The following NVL variants were observed in gnomAD, a reference collection of about 807,000 sequenced individuals.
NVL encodes the protein nuclear valosin-containing protein-like.
In NVL, 84 loss-of-function variants were observed where a neutral mutation model predicts 110.2. That is an observed-to-expected ratio of 0.76 (90% confidence interval 0.64 to 0.91). The LOEUF is 0.91. Ranked by LOEUF, NVL falls within the 40% of genes least tolerant of loss-of-function variation. The pLI is 0.00. For synonymous variants in NVL, 354 were observed against 361.1 expected, an observed-to-expected ratio of 0.98 and a Z score of 0.22; for missense variants, 882 against 1,035.9, an observed-to-expected ratio of 0.85 and a Z score of 2.04.
intron 18 of NVL, among the ~76,000 whole-genome samples, chr1:224,261,416 T>A (rs922814546): frequency 2.0e-5 from 3 of 152,164 alleles, no homozygotes; most frequent in Non-Finnish European, 4.4e-5. Context: ...AATAAGATAT[T>A]TGGGTTTCAT....
At chr1:224,296,724 T>G in intron 10 of NVL, 106 bp from the exon 11 acceptor site, 1 of 693,868 alleles carries the variant, frequency 1.4e-6, no homozygotes, top group Non-Finnish European at 2.4e-6. Context: ...CAAGGATCAT[T>G]TGCCAAAAGA....
chr1:224,307,429 T>C (rs1669036598), intron 6 of NVL, among the ~76,000 whole-genome samples: 1 of 152,156 alleles, frequency 6.6e-6, no homozygotes, highest in Non-Finnish European at 1.5e-5. Context: ...TGATAATATG[T>C]GGTGGCTCAC....
chr1:224,232,413 G>T (rs966129572), intron 21 of NVL, among the ~76,000 whole-genome samples: 2 of 152,072 alleles, frequency 1.3e-5, no homozygotes, highest in African/African-American at 4.8e-5. Context: ...GTTTTGCTCT[G>T]TCACTCAGGC....
chr1:224,305,212 C>A lies in NVL; in HGVS notation c.616-46G>T, dbSNP rs759104513. 7 of 1,557,476 alleles carry A rather than the reference C, an allele frequency of 4.5e-6. No individual in the cohort carries two copies. In the South Asian group the frequency reaches 4.8e-5, roughly 11 times the overall value. Reference sequence around the variant, plus strand: ...AATATGCCATGCTTAAAATTCTATGCCAATAATTGTTTTACTTTTTAAAGA... The same window carrying A: ...AATATGCCATGCTTAAAATTCTATGACAATAATTGTTTTACTTTTTAAAGA... On this transcript the variant is annotated intron_variant, in intron 6 of 22. Transcript: ENST00000281701.
chr1:224,270,931 A>ATGAT (rs1465404807), intron 17 of NVL, among the ~76,000 whole-genome samples: 1 of 152,204 alleles, frequency 6.6e-6, no homozygotes, highest in Non-Finnish European at 1.5e-5. Flanking sequence ...TTTGTGAAGG[A>ATGAT]TGATACAGCA....
intron 12 of NVL, among the ~76,000 whole-genome samples, chr1:224,292,568 T>C (rs1667472671): frequency 6.6e-6 from 1 of 152,096 alleles, no homozygotes; most frequent in Non-Finnish European, 1.5e-5. Context: ...GCCTTTCTCC[T>C]CCTTACTTAC....
intron 18 of NVL, 136 bp from the exon 19 acceptor site, chr1:224,250,454 TC>T: frequency 1.5e-6 from 1 of 668,204 alleles, no homozygotes. Flanking sequence ...AGCCTCGACC[TC>T]CCAGGCTCAG....
intron 12 of NVL, 61 bp from the exon 13 acceptor site, chr1:224,289,794 C>T (rs1439428312): frequency 6.6e-7 from 1 of 1,508,538 alleles, no homozygotes; most frequent in Non-Finnish European, 8.9e-7. Context: ...AACAAGTCAC[C>T]AACTATATTT....
At chr1:224,261,193 A>G (rs1263815702) in intron 18 of NVL, among the ~76,000 whole-genome samples, 2 of 151,550 alleles carry the variant, frequency 1.3e-5, no homozygotes, top group Non-Finnish European at 2.9e-5. Context: ...TTTTGTAGAG[A>G]TGGGGTCTTG....
At chr1:224,312,071 T>C (rs1669580811) in intron 4 of NVL, 1 of 454,226 alleles carries the variant, frequency 2.2e-6, no homozygotes, top group Admixed American at 4.0e-5. Flanking sequence ...AACGGAGATT[T>C]AATAAGTAAT....
chr1:224,227,735 C>T, intron 22 of NVL, 65 bp from the exon 23 acceptor site: 1 of 1,509,644 alleles, frequency 6.6e-7, no homozygotes, highest in Non-Finnish European at 9.1e-7. Context: ...AATGGTGCCC[C>T]CCAAAATTCA....
intron 6 of NVL, among the ~76,000 whole-genome samples, chr1:224,306,557 C>T (rs1668939039): frequency 2.0e-5 from 3 of 152,216 alleles, no homozygotes; most frequent in South Asian, 2.1e-4. Flanking sequence ...TGAGCCACTG[C>T]ACCCGGCCAA....
At chr1:224,295,960 C>CAAAAAA in intron 11 of NVL, among the ~76,000 whole-genome samples, 1 of 41,832 alleles carries the variant, frequency 2.4e-5, no homozygotes, top group Non-Finnish European at 4.7e-5. Flanking sequence ...GACTCTGTCT[C>CAAAAAA]AAAAAAAAAA....
At chr1:224,314,286 C>T (rs1669847320) in intron 4 of NVL, among the ~76,000 whole-genome samples, 1 of 152,144 alleles carries the variant, frequency 6.6e-6, no homozygotes, top group African/African-American at 2.4e-5. Flanking sequence ...ATTTATTATG[C>T]AATAGTGTAA....
At chr1:224,242,437 C>CTACTACT (rs1402932819) in intron 19 of NVL, among the ~76,000 whole-genome samples, 2 of 151,040 alleles carry the variant, frequency 1.3e-5, no homozygotes, top group Non-Finnish European at 1.5e-5. Flanking sequence ...TCAAGATGTG[C>CTACTACT]TACTACTTTT....
chr1:224,315,492 T>G (rs1297141070), intron 4 of NVL, among the ~76,000 whole-genome samples: 1 of 152,164 alleles, frequency 6.6e-6, no homozygotes, highest in Admixed American at 6.5e-5. Flanking sequence ...GGAAACTTCC[T>G]CAATCTGACA....
Position 224,308,104 on chromosome 1 carries a change from C to A in NVL, c.502G>T (p.Asp168Tyr), listed in dbSNP as rs1299141965. ...TCAATAAACCATCCTCCTTCAGAAT[C>A]TTTGGCAGGGGTCTTCAAGGGAATG... ...GSIPLKTPAK[D>Y]SEGGWFIDKT... Residue 168 changes from aspartate (D) to tyrosine (Y), a missense_variant, in exon 6 of 23, where the codon GAT (aspartate) becomes TAT (tyrosine). Physicochemically the swap from Asp to Tyr is radical, Grantham distance 160. This residue lies in a region of NVL where 274 missense variants were observed against 268.4 expected (regional missense o/e 1.02). Transcript: ENST00000281701. 1.9e-6 allele frequency: 3 copies of A among 1,613,294 alleles called. No individual in the cohort carries two copies. Among genetic ancestry groups the A allele is most frequent in the Middle Eastern group, 1.7e-4 (1 of 6,058 alleles).
chr1:224,308,888 T>C (rs774831361), intron 5 of NVL, among the ~76,000 whole-genome samples: 18 of 151,684 alleles, frequency 1.2e-4, no homozygotes, highest in Admixed American at 5.3e-4. Context: ...GGTGAAACCC[T>C]GTCTCTACTA....
chr1:224,295,000 C>G (rs1054843721), intron 11 of NVL, among the ~76,000 whole-genome samples: 4 of 152,198 alleles, frequency 2.6e-5, no homozygotes, highest in African/African-American at 9.7e-5. Context: ...AAATAGTCTT[C>G]AGCTGTTCTG....
Sources: allele counts gnomAD v4.1 joint callset (sites outside exome capture counted in the v4.1 genomes callset), GRCh38; gene constraint gnomAD v4.1.1; regional missense constraint gnomAD v4.1.1; transcripts MANE v1.5; gene names NCBI Gene and HGNC (gene_info 2026-07-23, HGNC 2026-07-21).